Variants in TMEM132B observed in about 807,000 individuals in gnomAD.
TMEM132B encodes the protein transmembrane protein 132B.
A neutral mutation model predicts 90.8 loss-of-function variants in TMEM132B; 18 were observed. That is an observed-to-expected ratio of 0.20 (90% CI 0.14 to 0.29). The LOEUF (loss-of-function observed/expected upper bound fraction) is 0.29. TMEM132B is among the 10% of genes least tolerant of loss of function. The pLI is 1.00. For synonymous variants in TMEM132B, 504 were observed against 523.3 expected (o/e 0.96, Z 0.50); for missense variants, 1,096 against 1,326.8 (o/e 0.83, Z 2.70).
chr12:125,643,817 G>A (rs561221465), intron 5 of TMEM132B, among the ~76,000 whole-genome samples: 1 of 152,206 alleles, frequency 6.6e-6, no homozygotes, highest in South Asian at 2.1e-4. Context: ...GGCAACAGAG[G>A]TTATATAACT....
At chr12:125,379,452 A>G (rs1334286947) in intron 2 of TMEM132B, among the ~76,000 whole-genome samples, 2 of 152,172 alleles carry the variant, frequency 1.3e-5, no homozygotes, top group African/African-American at 4.8e-5. Context: ...ACCAACCAAC[A>G]AGCAACAGCA....
At chr12:125,432,397 A>ATGTGTG (rs1555248760) in intron 3 of TMEM132B, among the ~76,000 whole-genome samples, 1 of 68,346 alleles carries the variant, frequency 1.5e-5, no homozygotes, top group Non-Finnish European at 2.7e-5. Context: ...ATATATATAT[A>ATGTGTG]TGTATGTATG....
intron 4 of TMEM132B, among the ~76,000 whole-genome samples, chr12:125,549,286 T>C (rs1167486220): frequency 6.6e-6 from 1 of 152,248 alleles, no homozygotes; most frequent in Non-Finnish European, 1.5e-5. Flanking sequence ...TGACTTTCAG[T>C]GAGTCCGCCT....
chr12:125,390,754 A>G (rs142996955), intron 2 of TMEM132B, among the ~76,000 whole-genome samples: 1 of 152,158 alleles, frequency 6.6e-6, no homozygotes, highest in Non-Finnish European at 1.5e-5. Context: ...TTGGAGGTGG[A>G]TCCTCCAGCC....
At chr12:125,504,466 A>G (rs551702444) in intron 3 of TMEM132B, among the ~76,000 whole-genome samples, 2 of 152,202 alleles carry the variant, frequency 1.3e-5, no homozygotes, top group South Asian at 2.1e-4. Context: ...AATCAAAGGT[A>G]GTTACTTTAA....
At position 125,349,734 on chromosome 12, in the gene TMEM132B, A is replaced by G. The variant is rs751624463; in HGVS notation, c.350A>G (p.Asp117Gly). The G allele has an allele frequency of 1.2e-6, 2 of 1,614,234 alleles. No homozygotes were observed. Among genetic ancestry groups the G allele is most frequent in the Non-Finnish European group, 1.7e-6 (2 of 1,180,048 alleles). ...ACATCTACAGCCTTTGGAAACATGG[A>G]CAAATTTCCCTTCAACTGGAAATTG... ...LLTSTAFGNM[D>G]KFPFNWKLKS... Residue 117 changes from aspartate (D) to glycine (G), a missense_variant, in exon 2 of 9, where the codon GAC (aspartate) becomes GGC (glycine). Asp to Gly is a moderately conservative substitution (Grantham distance 94). Coordinates refer to ENST00000682704, the MANE Select transcript of TMEM132B (RefSeq NM_001366854.1). The surrounding 1 kb of genome is among the most constrained non-coding windows in gnomAD (Gnocchi z 4.1).
chr12:125,238,388 C>CAAAAAAAAAAAAAAA (rs1259157470), intron 1 of TMEM132B, among the ~76,000 whole-genome samples: 2 of 105,222 alleles, frequency 1.9e-5, no homozygotes, highest in African/African-American at 3.9e-5. Flanking sequence ...AAAAAAAAAC[C>CAAAAAAAAAAAAAAA]AAAAAAACAA....
chr12:125,623,471 G>A (rs79627748), intron 5 of TMEM132B, among the ~76,000 whole-genome samples: 1 of 151,960 alleles, frequency 6.6e-6, no homozygotes, highest in Non-Finnish European at 1.5e-5. Flanking sequence ...CTACCAAGCA[G>A]ATTCCAGAGA....
chr12:125,527,695 G>T (rs115102051), intron 4 of TMEM132B, among the ~76,000 whole-genome samples: 8,033 of 59,312 alleles, frequency 0.14, 625 homozygotes, highest in African/African-American at 0.33. Context: ...CAACCACCCA[G>T]CCACCCTTCC....
chr12:125,571,630 A>G (rs576864396), intron 4 of TMEM132B, among the ~76,000 whole-genome samples: 6 of 152,318 alleles, frequency 3.9e-5, no homozygotes, highest in African/African-American at 1.4e-4. Context: ...TCTTGGTTAT[A>G]TCTTTGAGTC....
Position 125,654,996 on chromosome 12 carries a change from A to C in TMEM132B, c.*286A>C. On this transcript the variant is annotated 3_prime_UTR_variant, in exon 9 of 9. Coordinates refer to ENST00000682704, the MANE Select transcript of TMEM132B (RefSeq NM_001366854.1). The surrounding 1 kb of genome is among the most constrained non-coding windows in gnomAD (Gnocchi z 5.8). ...GTGCAAATGTATTAAACCTGACCCCACAGACATTGTTAGTCATCTCGTGAC... is the reference window on the plus strand; with the variant it reads ...GTGCAAATGTATTAAACCTGACCCCCCAGACATTGTTAGTCATCTCGTGAC... The C allele has an allele frequency of 3.2e-6, 1 of 309,680 alleles. No homozygotes were observed. The highest frequency in any genetic ancestry group is 6.0e-6 in the Non-Finnish European group (1 of 167,984). The allele number at this position is 309,680 out of a possible 1,614,324, so 19.2% of individuals were successfully genotyped here.
At chr12:125,606,993 A>AAG (rs1314334284) in intron 5 of TMEM132B, among the ~76,000 whole-genome samples, 2 of 152,170 alleles carry the variant, frequency 1.3e-5, no homozygotes, top group Non-Finnish European at 2.9e-5. Flanking sequence ...AGCTCCCTGG[A>AAG]AGTCCCTGGA....
intron 4 of TMEM132B, among the ~76,000 whole-genome samples, chr12:125,567,897 A>G (rs1261341773): frequency 1.3e-5 from 2 of 152,320 alleles, no homozygotes; most frequent in African/African-American, 4.8e-5. Flanking sequence ...ACACGTAATT[A>G]TTACTCAGCG....
At chr12:125,652,048 T>C (rs577534720) in intron 7 of TMEM132B, among the ~76,000 whole-genome samples, 2 of 152,334 alleles carry the variant, frequency 1.3e-5, no homozygotes, top group East Asian at 3.9e-4. Context: ...TTACATTGGG[T>C]CCACCTAAGT....
At chr12:125,437,451 G>C (rs1476035273) in intron 3 of TMEM132B, among the ~76,000 whole-genome samples, 1 of 152,166 alleles carries the variant, frequency 6.6e-6, no homozygotes. Flanking sequence ...TAGGTGCCTA[G>C]CAGTGGAATT....
At chr12:125,505,029 A>T (rs1261822584) in intron 3 of TMEM132B, among the ~76,000 whole-genome samples, 1 of 152,128 alleles carries the variant, frequency 6.6e-6, no homozygotes, top group Non-Finnish European at 1.5e-5. Context: ...TTAATAAAAA[A>T]GTAACAACAT....
intron 3 of TMEM132B, among the ~76,000 whole-genome samples, chr12:125,517,593 G>A (rs1202620836): frequency 1.3e-5 from 2 of 151,990 alleles, no homozygotes; most frequent in African/African-American, 2.4e-5. Flanking sequence ...GGACCACCTG[G>A]CTATGTTTGC....
At chr12:125,426,161 T>C (rs754511677) in intron 3 of TMEM132B, among the ~76,000 whole-genome samples, 1 of 152,226 alleles carries the variant, frequency 6.6e-6, no homozygotes, top group Non-Finnish European at 1.5e-5. Flanking sequence ...TGTAGTGGTA[T>C]CCTCATTTTT....
intron 1 of TMEM132B, among the ~76,000 whole-genome samples, chr12:125,249,771 T>C (rs1475945070): frequency 2.0e-5 from 3 of 152,214 alleles, no homozygotes; most frequent in Non-Finnish European, 2.9e-5. Flanking sequence ...GTAAGACCCT[T>C]TCAGAGCTCG....
Sources: gnomAD v4.1 joint callset for allele counts (sites outside exome capture counted in the v4.1 genomes callset) on GRCh38, gnomAD v4.1.1 for gene constraint, Gnocchi (gnomAD v3.1) non-coding constraint, MANE v1.5 for transcripts, NCBI Gene and HGNC (gene_info 2026-07-23, HGNC 2026-07-21) for gene names.